IKZF1: variants seen among roughly 807,000 people sequenced by gnomAD.
The protein encoded by IKZF1 is IKAROS family zinc finger 1.
IKZF1 carries 10 observed loss-of-function variants against 51.7 expected under a neutral mutation model. The ratio of observed to expected loss-of-function variants is 0.19; its 90% CI spans 0.12 to 0.33. The LOEUF (loss-of-function observed/expected upper bound fraction) is 0.33. Among genes scored for constraint, IKZF1 ranks in the 10% least tolerant of loss-of-function variants. IKZF1 has a pLI of 1.00. For synonymous variants in IKZF1, 280 were observed against 282.3 expected (o/e 0.99, Z 0.08); for missense variants, 484 against 707.5 (o/e 0.68, Z 3.58).
intron 6 of IKZF1, among the ~76,000 whole-genome samples, chr7:50,389,383 A>G (rs1305075755): frequency 1.3e-5 from 2 of 152,206 alleles, no homozygotes; most frequent in Admixed American, 6.5e-5. Context: ...AGTAATGTGT[A>G]TTAAATATTA....
intron 7 of IKZF1, among the ~76,000 whole-genome samples, chr7:50,397,336 T>G (rs906543269): frequency 6.6e-6 from 1 of 152,246 alleles, no homozygotes; most frequent in Non-Finnish European, 1.5e-5. Context: ...TTTTTATTTT[T>G]CTTGTTTTGT....
At chr7:50,316,970 T>TA (rs1791732003) in intron 1 of IKZF1, among the ~76,000 whole-genome samples, 1 of 152,212 alleles carries the variant, frequency 6.6e-6, no homozygotes, top group South Asian at 2.1e-4. Context: ...ATTTGTTAAA[T>TA]AAAAAGATAT....
intron 4 of IKZF1, among the ~76,000 whole-genome samples, chr7:50,381,470 T>A (rs1355830000): frequency 6.6e-6 from 1 of 152,230 alleles, no homozygotes; most frequent in Non-Finnish European, 1.5e-5. Flanking sequence ...TTAAATGAAA[T>A]GTTCCCTGAT....
chr7:50,403,151 CT>C lies in IKZF1; in HGVS notation c.*2528del. Reference sequence around the variant, plus strand: ...CCAATATAAATGTCTCTTTGCACACCTTTTGTTGTGGTTTTATATTGTAACA... The same window carrying C: ...CCAATATAAATGTCTCTTTGCACACCTTTGTTGTGGTTTTATATTGTAACA... On this transcript the variant is annotated 3_prime_UTR_variant, in exon 8 of 8. Transcript: ENST00000331340. The C allele has an allele frequency of 4.5e-6, 1 of 220,048 alleles. No individual in the cohort carries two copies. Among genetic ancestry groups the C allele is most frequent in the Non-Finnish European group, 9.1e-6 (1 of 109,890 alleles). The allele number at this position is 220,048 out of a possible 1,614,324, so 13.6% of individuals were successfully genotyped here.
At chr7:50,325,706 C>T (rs1186160224) in intron 2 of IKZF1, among the ~76,000 whole-genome samples, 1 of 151,956 alleles carries the variant, frequency 6.6e-6, no homozygotes, top group Admixed American at 6.6e-5. Context: ...ACCTGGGAGG[C>T]CGAGCTTGCA....
upstream of IKZF1, among the ~76,000 whole-genome samples, chr7:50,303,748 C>T (rs1295159809): frequency 3.3e-5 from 5 of 151,860 alleles, no homozygotes; most frequent in Admixed American, 2.6e-4. This position sits in a 1 kb window ranked among gnomAD's most constrained non-coding sequence, Gnocchi z 4.7. Flanking sequence ...TGTCCCGAGT[C>T]CCTCCAGTCT....
At chr7:50,397,137 T>G (rs1816926407) in intron 7 of IKZF1, among the ~76,000 whole-genome samples, 1 of 152,236 alleles carries the variant, frequency 6.6e-6, no homozygotes, top group South Asian at 2.1e-4. Context: ...GGAAATGAGA[T>G]TAGCAGCAAA....
At chr7:50,353,294 C>T (rs993783974) in intron 3 of IKZF1, among the ~76,000 whole-genome samples, 3 of 152,204 alleles carry the variant, frequency 2.0e-5, no homozygotes, top group East Asian at 1.9e-4. Context: ...GCTGCCTTTC[C>T]TCTTCCTCAG....
intron 6 of IKZF1, among the ~76,000 whole-genome samples, chr7:50,387,906 T>G (rs1813890176): frequency 6.6e-6 from 1 of 152,240 alleles, no homozygotes; most frequent in Non-Finnish European, 1.5e-5. Context: ...GGCTGTGATT[T>G]TAAGCATCAG....
chr7:50,328,767 C>T (rs1668905361), intron 3 of IKZF1: 1 of 152,120 alleles, frequency 6.6e-6, no homozygotes, highest in African/African-American at 2.4e-5. Context: ...TGAATTTTAT[C>T]TACATGTATA....
chr7:50,389,136 G>T (rs966880326), intron 6 of IKZF1, among the ~76,000 whole-genome samples: 1 of 152,232 alleles, frequency 6.6e-6, no homozygotes, highest in Non-Finnish European at 1.5e-5. Context: ...CTGGGTTTGA[G>T]TTCTCTGTTT....
rs1817969232 is a variant in IKZF1 at position 50,400,749 on chromosome 7, T to C, written c.*122T>C. On this transcript the variant is annotated 3_prime_UTR_variant, in exon 8 of 8. Coordinates refer to ENST00000331340, the MANE Select transcript of IKZF1 (RefSeq NM_006060.6). The surrounding 1 kb of genome is among the most constrained non-coding windows in gnomAD (Gnocchi z 5.4). ...GACCAGACAATGTTGTGTTTGGATT[T>C]GTAACTGTTTTTTGTTTTTTGTTTG... 1 of 1,272,148 alleles carries C rather than the reference T, an allele frequency of 7.9e-7. No individual in the cohort carries two copies. The highest frequency in any genetic ancestry group is 1.1e-6 in the Non-Finnish European group (1 of 936,438). 78.8% of individuals were successfully genotyped at this position (1,272,148 alleles called of 1,614,324 possible).
At chr7:50,389,034 G>T (rs1814231230) in intron 6 of IKZF1, among the ~76,000 whole-genome samples, 1 of 152,160 alleles carries the variant, frequency 6.6e-6, no homozygotes, top group Non-Finnish European at 1.5e-5. Flanking sequence ...TTCCTCCACT[G>T]TTTTCATTAC....
At chr7:50,347,289 A>G (rs1388115690) in intron 3 of IKZF1, among the ~76,000 whole-genome samples, 1 of 152,200 alleles carries the variant, frequency 6.6e-6, no homozygotes, top group Non-Finnish European at 1.5e-5. Flanking sequence ...ATGGAAAAAG[A>G]TAAAGTTAGC....
chr7:50,377,255 A>G (rs1317591471), intron 4 of IKZF1: 1 of 156,802 alleles, frequency 6.4e-6, no homozygotes, highest in African/African-American at 2.4e-5. Flanking sequence ...TTTAGAAACA[A>G]TAATCAATGA....
intron 5 of IKZF1, 26 bp from the exon 6 acceptor site, chr7:50,387,319 C>T: frequency 6.2e-7 from 1 of 1,607,846 alleles, no homozygotes; most frequent in Non-Finnish European, 8.5e-7. Context: ...TAATTGGGGT[C>T]TTGAACTCAA....
rs988461595 is a variant in IKZF1 at position 50,339,535 on chromosome 7, G to A, written c.160+11778G>A. Among the ~76,000 whole-genome samples the A allele has an allele frequency of 3.1e-3, 470 of 152,158 alleles. 2 individuals are homozygous for A. Among genetic ancestry groups the A allele is most frequent in the African/African-American group, 0.01 (420 of 41,504 alleles). ...GGAGGCCGAGGCAGGCAGATCATGA[G>A]GTCAGGAGTTTGAGACCAGCCTGGC... On this transcript the variant is annotated intron_variant, in intron 3 of 7. Transcript: ENST00000331340.
chr7:50,392,268 C>T (rs1366578356), intron 7 of IKZF1, among the ~76,000 whole-genome samples: 2 of 152,168 alleles, frequency 1.3e-5, no homozygotes, highest in Non-Finnish European at 2.9e-5. Context: ...CCTAATGCTC[C>T]CCTTATGGGG....
chr7:50,305,861 G>C (rs946747532), intron 1 of IKZF1, among the ~76,000 whole-genome samples: 1 of 152,142 alleles, frequency 6.6e-6, no homozygotes, highest in African/African-American at 2.4e-5. Flanking sequence ...AACTTTCATA[G>C]ACATTCAAAT....
Sources: allele counts gnomAD v4.1 joint callset (sites outside exome capture counted in the v4.1 genomes callset), GRCh38; gene constraint gnomAD v4.1.1; non-coding constraint Gnocchi (gnomAD v3.1); transcripts MANE v1.5; gene names NCBI Gene and HGNC (gene_info 2026-07-23, HGNC 2026-07-21).